Variants in RELN observed in about 807,000 individuals in gnomAD.
RELN encodes the protein reelin.
Under a neutral mutation model 427.6 loss-of-function variants are expected in RELN, and 108 were observed. The observed-to-expected ratio is 0.25, with a 90% CI of 0.22 to 0.30. The LOEUF (loss-of-function observed/expected upper bound fraction) is 0.30, where lower values mean the gene tolerates loss of function less well. Among genes scored for constraint, RELN ranks in the 10% least tolerant of loss-of-function variants. RELN has a pLI of 1.00. For missense variants in RELN, 3,715 were observed against 4,302.8 expected, an observed-to-expected ratio of 0.86 and a Z score of 3.82; for synonymous variants, 1,524 against 1,513.4, an observed-to-expected ratio of 1.01 and a Z score of -0.16.
rs1194909896 is a variant in RELN, at chr7:103,989,402, CTCAT to C, written c.-50_-47del. The C allele has an allele frequency of 2.2e-6, 3 of 1,388,114 alleles. No homozygotes were observed. The highest frequency in any genetic ancestry group is 2.8e-6 in the Non-Finnish European group (3 of 1,077,432). 86.0% of individuals were successfully genotyped at this position (1,388,114 alleles called of 1,614,324 possible). On this transcript the variant is annotated 5_prime_UTR_variant, in exon 1 of 65. An upstream start codon of the reference 5' UTR is lost. Coordinates refer to ENST00000428762, the MANE Select transcript of RELN (RefSeq NM_005045.4). This position sits in a 1 kb window ranked among gnomAD's most constrained non-coding sequence, Gnocchi z 4.9. ...CGCCGCGCGCCCTACGCGCCGCTCG[CTCAT>C]TCAGTTTTGGAGACGCCGGGACGGA...
At chr7:103,765,234 G>A (rs1422423232) in intron 4 of RELN, among the ~76,000 whole-genome samples, 1 of 152,208 alleles carries the variant, frequency 6.6e-6, no homozygotes, top group Non-Finnish European at 1.5e-5. Flanking sequence ...ATCAGAAAGA[G>A]AAAGCACAAT....
intron 6 of RELN, among the ~76,000 whole-genome samples, chr7:103,737,254 G>C (rs531148732): frequency 6.6e-6 from 1 of 152,276 alleles, no homozygotes; most frequent in African/African-American, 2.4e-5. Flanking sequence ...AAAATGAAAG[G>C]TTTATGCTCC....
chr7:103,554,632 G>C (rs1055890181), intron 38 of RELN, among the ~76,000 whole-genome samples: 1 of 151,370 alleles, frequency 6.6e-6, no homozygotes, highest in Non-Finnish European at 1.5e-5. Flanking sequence ...GATATACCAT[G>C]GAACTGCCTT....
rs755003399 is a variant in RELN, at chr7:103,565,537, C to T, written c.4951G>A (p.Ala1651Thr). Residue 1651 changes from alanine to threonine, a missense_variant, in exon 34 of 65, where the codon GCT (alanine) becomes ACT (threonine). Transcript: ENST00000428762. ...FTENIGKPRY[A>T]ETWDFHVSAS... ...GACACATGAAAATCCCAGGTCTCAGCATAACGAGGTTTTCCTGAAAAAAAA... is the reference window on the plus strand; with the variant it reads ...GACACATGAAAATCCCAGGTCTCAGTATAACGAGGTTTTCCTGAAAAAAAA... 1 of 1,608,514 alleles carries T rather than the reference C, an allele frequency of 6.2e-7. No homozygotes were observed.
At chr7:103,519,179 C>T (rs1464967845) in intron 49 of RELN, 144 bp downstream of exon 49, 6 of 675,760 alleles carry the variant, frequency 8.9e-6, no homozygotes, top group Non-Finnish European at 1.3e-5. Context: ...ATTTATCCAG[C>T]TCAGAAACCC....
chr7:103,515,092 G>T, intron 50 of RELN, 93 bp downstream of exon 50: 1 of 1,498,058 alleles, frequency 6.7e-7, no homozygotes, highest in Non-Finnish European at 9.2e-7. Context: ...TGGAACATCT[G>T]AAAAGGTTCC....
intron 1 of RELN, among the ~76,000 whole-genome samples, chr7:103,985,341 TC>T (rs1392220848): frequency 6.6e-5 from 10 of 152,162 alleles, no homozygotes; most frequent in Non-Finnish European, 1.2e-4. Context: ...ATGGAACACT[TC>T]CCCCATCTTA....
chr7:103,867,801 T>C (rs1184530500), intron 2 of RELN, among the ~76,000 whole-genome samples: 2 of 151,948 alleles, frequency 1.3e-5, no homozygotes, highest in African/African-American at 2.4e-5. Context: ...TTTTACAGAA[T>C]AGTAAGAGAG....
At chr7:103,853,888 G>A (rs756450971) in intron 2 of RELN, among the ~76,000 whole-genome samples, 35 of 152,002 alleles carry the variant, frequency 2.3e-4, no homozygotes, top group Non-Finnish European at 4.1e-4. Flanking sequence ...CTAAGTGGGA[G>A]GAATAAGTGT....
At chr7:103,835,080 G>C (rs1456850696) in intron 2 of RELN, among the ~76,000 whole-genome samples, 2 of 151,976 alleles carry the variant, frequency 1.3e-5, no homozygotes, top group Non-Finnish European at 1.5e-5. Context: ...TGGATAATGT[G>C]GTACATCTAG....
chr7:103,494,565 T>G (rs1828774687), intron 57 of RELN, among the ~76,000 whole-genome samples: 5 of 135,328 alleles, frequency 3.7e-5, no homozygotes, highest in Admixed American at 7.7e-5. Context: ...TTTTTTTTGG[T>G]AGAGATAGGG....
intron 28 of RELN, among the ~76,000 whole-genome samples, chr7:103,580,567 TTTAA>T (rs1434007755): frequency 1.6e-4 from 25 of 152,218 alleles, no homozygotes; most frequent in African/African-American, 3.4e-4. Flanking sequence ...TGTGTATATA[TTTAA>T]TTAATTATTT....
intron 41 of RELN, among the ~76,000 whole-genome samples, chr7:103,548,353 A>G (rs563822897): frequency 1.3e-5 from 2 of 152,210 alleles, no homozygotes; most frequent in Non-Finnish European, 2.9e-5. Context: ...TGCTTTTAGC[A>G]TCCAGCACTT....
At chr7:103,986,980 T>A (rs1419214560) in intron 1 of RELN, among the ~76,000 whole-genome samples, 2 of 149,668 alleles carry the variant, frequency 1.3e-5, no homozygotes, top group Non-Finnish European at 3.0e-5. Flanking sequence ...GTGTCTGAAT[T>A]TTTTAAATTA....
chr7:103,492,174 A>G lies in RELN; in HGVS notation c.9370-148T>C, dbSNP rs1828695856. ...CAGCCTGCTGGGATACCAAGAATAC[A>G]TTCTTTTGGATTCTGTTAAAGATGT... is the stretch of plus-strand genomic sequence containing the variant. On this transcript the variant is annotated intron_variant, in intron 57 of 64. Coordinates refer to ENST00000428762, the MANE Select transcript of RELN (RefSeq NM_005045.4). The G allele has an allele frequency of 7.3e-6, 5 of 689,424 alleles. 1 individual carries two copies. The highest frequency in any genetic ancestry group is 4.9e-5 in the South Asian group (3 of 61,370). The allele number at this position is 689,424 out of a possible 1,614,324, so 42.7% of individuals were successfully genotyped here. A position where few individuals can be genotyped will look rare whatever the true frequency, so the allele number is the denominator to read the frequency against.
At chr7:103,539,000 G>T in intron 45 of RELN, 78 bp downstream of exon 45, 1 of 1,515,716 alleles carries the variant, frequency 6.6e-7, no homozygotes, top group Non-Finnish European at 9.1e-7. Context: ...CAGAGAGGCA[G>T]AGTAGTCCTA....
intron 2 of RELN, among the ~76,000 whole-genome samples, chr7:103,910,677 AG>A (rs1186919557): frequency 7.3e-6 from 1 of 136,084 alleles, no homozygotes; most frequent in Non-Finnish European, 1.6e-5. Flanking sequence ...GGAACAGAAC[AG>A]AGCCCTCAGA....
chr7:103,860,957 C>A (rs1158006414), intron 2 of RELN, among the ~76,000 whole-genome samples: 1 of 151,918 alleles, frequency 6.6e-6, no homozygotes, highest in Non-Finnish European at 1.5e-5. Flanking sequence ...GCAAAAATAA[C>A]AAATATAACA....
At chr7:103,809,065 A>C (rs1446075706) in intron 3 of RELN, among the ~76,000 whole-genome samples, 4 of 152,184 alleles carry the variant, frequency 2.6e-5, no homozygotes, top group Non-Finnish European at 5.9e-5. Flanking sequence ...CTTCCCTAGA[A>C]AGCGTTAAGA....
Sources: allele counts gnomAD v4.1 joint callset (sites outside exome capture counted in the v4.1 genomes callset), GRCh38; gene constraint gnomAD v4.1.1; non-coding constraint Gnocchi (gnomAD v3.1); transcripts MANE v1.5; gene names NCBI Gene and HGNC (gene_info 2026-07-23, HGNC 2026-07-21).